Variants in SLC12A2 observed in about 807,000 individuals in gnomAD.
SLC12A2 encodes the protein Na-K-2Cl cotransporter 1.
In SLC12A2, 67 loss-of-function variants were observed where a neutral mutation model predicts 136.3. The ratio of observed to expected loss-of-function variants is 0.49; its 90% CI spans 0.40 to 0.60. The LOEUF (loss-of-function observed/expected upper bound fraction) is 0.60. Among genes scored for constraint, SLC12A2 ranks in the 20% least tolerant of loss-of-function variants. The pLI, the probability that SLC12A2 is intolerant of heterozygous loss-of-function variation, is 0.00. For missense variants in SLC12A2, 1,322 were observed against 1,534.7 expected, an observed-to-expected ratio of 0.86 and a Z score of 2.32; for synonymous variants, 619 against 562.9, an observed-to-expected ratio of 1.10 and a Z score of -1.41.
chr5:128,128,317 T>G (rs1761893400), intron 4 of SLC12A2, among the ~76,000 whole-genome samples: 1 of 152,114 alleles, frequency 6.6e-6, no homozygotes, highest in South Asian at 2.1e-4. Context: ...AATCAAGATG[T>G]AATAAAGATG....
chr5:128,160,315 C>T (rs923142981), intron 16 of SLC12A2, among the ~76,000 whole-genome samples: 3 of 152,036 alleles, frequency 2.0e-5, no homozygotes, highest in African/African-American at 7.2e-5. Flanking sequence ...GTGCAGCAAA[C>T]CACCATGGCA....
chr5:128,146,028 A>G (rs994121187), intron 10 of SLC12A2, among the ~76,000 whole-genome samples: 5 of 151,948 alleles, frequency 3.3e-5, no homozygotes, highest in African/African-American at 1.2e-4. Context: ...TTGTGTTTTG[A>G]CAAGTTTCAC....
intron 26 of SLC12A2, among the ~76,000 whole-genome samples, chr5:128,186,068 A>G (rs1234992107): frequency 6.6e-6 from 1 of 151,984 alleles, no homozygotes. Context: ...AAAAAAATAT[A>G]TATATATTTT....
rs186437117 is a variant in SLC12A2 at position 128,116,221 on chromosome 5, A to G, written c.1048+1540A>G. 8.5e-3 allele frequency among the ~76,000 whole-genome samples: 1,298 copies of G among 152,202 alleles called. 8 individuals are homozygous for G. Among genetic ancestry groups the G allele is most frequent in the Non-Finnish European group, 0.012 (812 of 68,008 alleles). On this transcript the variant is annotated intron_variant, in intron 4 of 26. Coordinates refer to ENST00000262461, the MANE Select transcript of SLC12A2 (RefSeq NM_001046.3). The stretch of plus-strand genomic sequence containing the variant: ...CCTTAGAATCTAGGCTGTGAGCCTC[A>G]AAAGGAATGGGGCATGAAGCCACTG...
At chr5:128,125,045 A>T (rs745498480) in intron 4 of SLC12A2, among the ~76,000 whole-genome samples, 2 of 152,240 alleles carry the variant, frequency 1.3e-5, no homozygotes, top group Non-Finnish European at 2.9e-5. Flanking sequence ...TTCTTCTTAC[A>T]TCACAACATC....
At chr5:128,111,764 CAA>C (rs374353989) in intron 1 of SLC12A2, among the ~76,000 whole-genome samples, 14 of 60,224 alleles carry the variant, frequency 2.3e-4, no homozygotes, top group Admixed American at 5.9e-4. Context: ...GACTCCATCT[CAA>C]AAAAAAAAAA....
At chr5:128,106,042 T>C (rs1201545048) in intron 1 of SLC12A2, among the ~76,000 whole-genome samples, 1 of 152,200 alleles carries the variant, frequency 6.6e-6, no homozygotes, top group Admixed American at 6.5e-5. Flanking sequence ...ATCTCTTCCT[T>C]TCTTCCCCCT....
chr5:128,121,292 A>C (rs1490639144), intron 4 of SLC12A2, among the ~76,000 whole-genome samples: 1 of 152,124 alleles, frequency 6.6e-6, no homozygotes, highest in Admixed American at 6.5e-5. Flanking sequence ...ATTCAATTTT[A>C]GTACTGATGT....
rs1344192328 is a variant in SLC12A2, at chr5:128,084,279, G to T, written c.325G>T (p.Ala109Ser). The change falls in exon 1 of 27, where the codon GCT becomes TCT. Residue 109 changes from alanine to serine, a missense_variant. By Grantham distance (99) the Ala-to-Ser change is moderately conservative. Transcript: ENST00000262461. The surrounding 1 kb of genome is among the most constrained non-coding windows in gnomAD (Gnocchi z 5.6). ...GGCGGCGGCAGCGGCGGCGGCTGGT[G>T]CTGGGGCGGGGGCCAAGCAGACCCC... ...AAAAAAAAAG[A>S]GAGAKQTPAD... is the part of the protein sequence containing the mutation. The T allele has an allele frequency of 1.4e-6, 2 of 1,426,570 alleles. No homozygotes were observed. The highest frequency in any genetic ancestry group is 9.1e-7 in the Non-Finnish European group (1 of 1,102,924). The allele number at this position is 1,426,570 out of a possible 1,614,324, so 88.4% of individuals were successfully genotyped here.
rs149433121 is a variant in SLC12A2 at position 128,121,479 on chromosome 5, C to T, written c.1048+6798C>T. ...CTGGGACTACAGGTACCTGCCACCA[C>T]GCCCGGCTAATTTTTTGTATTTTTA... On this transcript the variant is annotated intron_variant, in intron 4 of 26. Coordinates refer to ENST00000262461, the MANE Select transcript of SLC12A2 (RefSeq NM_001046.3). 1.4e-4 allele frequency among the ~76,000 whole-genome samples: 21 copies of T among 152,016 alleles called. No individual in the cohort carries two copies. The East Asian group carries it at 3.3e-3, about 24-fold the overall frequency.
intron 17 of SLC12A2, among the ~76,000 whole-genome samples, chr5:128,162,087 A>T (rs548091339): frequency 1.3e-5 from 2 of 152,216 alleles, no homozygotes; most frequent in South Asian, 4.2e-4. Flanking sequence ...GTTAAAGTAG[A>T]GGTGGGAGGC....
At chr5:128,175,524 C>A (rs902842243) in intron 20 of SLC12A2, among the ~76,000 whole-genome samples, 5 of 149,846 alleles carry the variant, frequency 3.3e-5, no homozygotes, top group African/African-American at 1.2e-4. Flanking sequence ...TTGTTTTTTT[C>A]TTTTGCTTCA....
rs1213540826 is a variant in SLC12A2 at position 128,103,645 on chromosome 5, A to G, written c.757-9169A>G. On this transcript the variant is annotated intron_variant, in intron 1 of 26. Transcript: ENST00000262461. Reference sequence around the variant, plus strand: ...AAATAAACGGGACTAAGAAGAAACAATATGTTAGGTGTTTTGGGAAGAAGA... The same window carrying G: ...AAATAAACGGGACTAAGAAGAAACAGTATGTTAGGTGTTTTGGGAAGAAGA... Among the ~76,000 whole-genome samples, 6 of 152,212 alleles carry G rather than the reference A, an allele frequency of 3.9e-5. No homozygotes were observed. The East Asian group carries it at 1.2e-3, about 29-fold the overall frequency.
At chr5:128,136,143 C>T (rs1581100270) in intron 7 of SLC12A2, among the ~76,000 whole-genome samples, 1 of 152,212 alleles carries the variant, frequency 6.6e-6, no homozygotes, top group East Asian at 1.9e-4. Flanking sequence ...ATTCTTTTAA[C>T]ATATTTAAGC....
intron 17 of SLC12A2, among the ~76,000 whole-genome samples, chr5:128,166,035 G>A (rs1383493618): frequency 6.6e-6 from 1 of 151,380 alleles, no homozygotes; most frequent in Non-Finnish European, 1.5e-5. Flanking sequence ...TGAATGGGGG[G>A]AAAATTTACT....
At chr5:128,118,873 C>A (rs1761451105) in intron 4 of SLC12A2, among the ~76,000 whole-genome samples, 6 of 152,014 alleles carry the variant, frequency 3.9e-5, no homozygotes, top group Admixed American at 3.9e-4. Context: ...GAGAGAGGAA[C>A]TTTTTAAATG....
rs1287152704 is a variant in SLC12A2 at position 128,126,651 on chromosome 5, C to G, written c.1049-4416C>G. Among the ~76,000 whole-genome samples, 10 of 152,026 alleles carry G rather than the reference C, an allele frequency of 6.6e-5. No homozygotes were observed. The South Asian group carries it at 1.5e-3, about 22-fold the overall frequency. On this transcript the variant is annotated intron_variant, in intron 4 of 26. Coordinates refer to ENST00000262461, the MANE Select transcript of SLC12A2 (RefSeq NM_001046.3). ...ATGGTTTTTACTTTTTCTTTCAAAT[C>G]TCTAGGACTTTTCCTCTTTTTCTTG...
chr5:128,114,335 GTGTC>G (rs1561665261), intron 3 of SLC12A2, 48 bp downstream of exon 3: 6 of 1,397,474 alleles, frequency 4.3e-6, no homozygotes, highest in South Asian at 2.3e-5. Context: ...CAAAATAACT[GTGTC>G]TGAGCTCTTA....
intron 10 of SLC12A2, among the ~76,000 whole-genome samples, chr5:128,143,453 T>C (rs909231955): frequency 2.6e-5 from 4 of 152,290 alleles, no homozygotes; most frequent in Non-Finnish European, 5.9e-5. Flanking sequence ...TTAGTAGTAC[T>C]TCTCCAGTAT....
Sources: allele counts gnomAD v4.1 joint callset (sites outside exome capture counted in the v4.1 genomes callset), GRCh38; gene constraint gnomAD v4.1.1; non-coding constraint Gnocchi (gnomAD v3.1); transcripts MANE v1.5; gene names NCBI Gene and HGNC (gene_info 2026-07-23, HGNC 2026-07-21).